STARD9: variants seen among roughly 807,000 people sequenced by gnomAD.
STARD9 encodes StAR related lipid transfer domain containing 9, also known as stAR-related lipid transfer protein 9.
STARD9 carries 346 observed loss-of-function variants against 399.8 expected under a neutral mutation model. That is an observed-to-expected ratio of 0.87 (90% CI 0.79 to 0.95). STARD9 has a LOEUF of 0.95. Among genes scored for constraint, STARD9 ranks in the 40% least tolerant of loss-of-function variants. STARD9 has a pLI of 0.00. For synonymous variants in STARD9, 2,203 were observed against 2,143.5 expected, an observed-to-expected ratio of 1.03 and a Z score of -0.77; for missense variants, 5,832 against 5,667.5, an observed-to-expected ratio of 1.03 and a Z score of -0.93.
intron 3 of STARD9, among the ~76,000 whole-genome samples, chr15:42,619,583 T>C (rs892805440): frequency 6.6e-6 from 1 of 150,794 alleles, no homozygotes; most frequent in Non-Finnish European, 1.5e-5. Context: ...GTAAGGAACA[T>C]GCAGCCTAGA....
Position 42,689,852 on chromosome 15 carries a change from T to C in STARD9, c.8274T>C (p.His2758=), listed in dbSNP as rs2060648609. ...APYDDPRVTL[H]ELSQSVPQET... ...ATGATGATCCTAGAGTGACTCTGCA[T>C]GAGCTAAGTCAGTCAGTTCCGCAGG... Residue 2758 remains histidine, a synonymous_variant, in exon 23 of 33, where the codon CAT becomes CAC. Coordinates refer to ENST00000290607, the MANE Select transcript of STARD9 (RefSeq NM_020759.3). The C allele has an allele frequency of 5.2e-6, 8 of 1,537,252 alleles. No homozygotes were observed. The highest frequency in any genetic ancestry group is 1.7e-4 in the Middle Eastern group (1 of 6,012).
At chr15:42,586,140 G>T (rs1367906740) in intron 3 of STARD9, among the ~76,000 whole-genome samples, 1 of 152,166 alleles carries the variant, frequency 6.6e-6, no homozygotes, top group Non-Finnish European at 1.5e-5. Flanking sequence ...GATTCAGGTG[G>T]GTATAAGTTA....
At chr15:42,651,234 T>C (rs1247352426) in intron 8 of STARD9, 149 bp downstream of exon 8, 5 of 506,344 alleles carry the variant, frequency 9.9e-6, no homozygotes, top group African/African-American at 1.9e-5. Context: ...AGAACAATAG[T>C]GTTCACAGGG....
In STARD9 at chr15:42,694,513, C is replaced by T. The variant is rs781154201; in HGVS notation, c.12765-15C>T. 34 of 1,536,602 alleles carry T rather than the reference C, an allele frequency of 2.2e-5. No individual in the cohort carries two copies. The highest frequency in any genetic ancestry group is 2.3e-5 in the Non-Finnish European group (26 of 1,146,594). ...ACATTCAGGGCCAGCTTCAGCGAAT[C>T]GTGTTTTGCCTCAGGCAAAAAAAGG... On this transcript the variant is annotated splice_polypyrimidine_tract_variant and intron_variant, in intron 23 of 32. Coordinates refer to ENST00000290607, the MANE Select transcript of STARD9 (RefSeq NM_020759.3).
At chr15:42,679,882 C>T (rs2060390172) in intron 20 of STARD9, among the ~76,000 whole-genome samples, 1 of 152,220 alleles carries the variant, frequency 6.6e-6, no homozygotes, top group Non-Finnish European at 1.5e-5. Context: ...TCATTCTGCT[C>T]TACAAAGTGG....
intron 26 of STARD9, among the ~76,000 whole-genome samples, chr15:42,698,688 T>C (rs1476916027): frequency 6.6e-6 from 1 of 152,214 alleles, no homozygotes; most frequent in African/African-American, 2.4e-5. Flanking sequence ...TTATAAATAA[T>C]AACTAGAAAC....
At chr15:42,652,655 T>A in intron 9 of STARD9, 63 bp downstream of exon 9, 1 of 1,368,178 alleles carries the variant, frequency 7.3e-7, no homozygotes, top group South Asian at 1.2e-5. Context: ...ACCACTTTCT[T>A]GTCTTCCTTC....
chr15:42,663,228 A>G (rs1205284695), intron 11 of STARD9, 53 bp from the exon 12 acceptor site: 7 of 1,442,786 alleles, frequency 4.9e-6, no homozygotes, highest in Non-Finnish European at 4.7e-6. Flanking sequence ...TTGTTTTAAT[A>G]TATTTGCTTC....
At chr15:42,674,138 A>T (rs1327600929) in intron 16 of STARD9, among the ~76,000 whole-genome samples, 1 of 152,226 alleles carries the variant, frequency 6.6e-6, no homozygotes, top group African/African-American at 2.4e-5. Flanking sequence ...CCCTAACTTT[A>T]GGCTGTGGGA....
chr15:42,642,417 T>C (rs2059557683), intron 7 of STARD9, among the ~76,000 whole-genome samples: 2 of 152,240 alleles, frequency 1.3e-5, no homozygotes, highest in African/African-American at 4.8e-5. Context: ...CCAGTGGTTA[T>C]AGGATCTAAA....
In STARD9 at chr15:42,693,171, C is replaced by G. The variant is rs1363336423; in HGVS notation, c.11593C>G (p.His3865Asp). ...VVSSPSPSSP[H>D]SPGLFPSTSE... is the part of the protein sequence containing the mutation. Reference sequence around the variant, plus strand: ...CAGCAGTCCCAGTCCCAGCTCCCCTCATTCCCCAGGGCTCTTTCCCAGTAC... The same window carrying G: ...CAGCAGTCCCAGTCCCAGCTCCCCTGATTCCCCAGGGCTCTTTCCCAGTAC... Residue 3865 changes from histidine to aspartate, a missense_variant, in exon 23 of 33, where the codon CAT becomes GAT. By Grantham distance (81) the His-to-Asp change is moderately conservative. Transcript: ENST00000290607. The G allele has an allele frequency of 5.2e-6, 8 of 1,537,192 alleles. No homozygotes were observed. Among genetic ancestry groups the G allele is most frequent in the Non-Finnish European group, 7.0e-6 (8 of 1,146,912 alleles).
intron 3 of STARD9, among the ~76,000 whole-genome samples, chr15:42,604,353 C>T (rs147842892): frequency 2.5e-4 from 38 of 152,256 alleles, no homozygotes; most frequent in African/African-American, 7.9e-4. Flanking sequence ...TATTCTACCT[C>T]GTTCATTCAT....
chr15:42,693,941 G>C lies in STARD9; in HGVS notation c.12363G>C (p.Gln4121His). ...QPEELLCFSC[Q>H]MCMAPEHQHH... ...AGGAGTTACTGTGCTTCAGTTGCCA[G>C]ATGTGCATGGCCCCTGAGCACCAGC... The change falls in exon 23 of 33, where the codon CAG (glutamine) becomes CAC (histidine). Residue 4121 changes from glutamine (Q) to histidine (H), a missense_variant. Gln to His is a conservative substitution (Grantham distance 24). Around this residue, in one of 2 missense-constraint regions of STARD9, gnomAD observed 5,828 missense variants for 5,651.1 expected, o/e 1.03. Coordinates refer to ENST00000290607, the MANE Select transcript of STARD9 (RefSeq NM_020759.3). The C allele has an allele frequency of 6.6e-7, 1 of 1,505,074 alleles. No individual in the cohort carries two copies. Among genetic ancestry groups the C allele is most frequent in the Non-Finnish European group, 8.9e-7 (1 of 1,129,478 alleles). 93.2% of individuals were successfully genotyped at this position (1,505,074 alleles called of 1,614,324 possible). A position where few individuals can be genotyped will look rare whatever the true frequency, so the allele number is the denominator to read the frequency against.
In STARD9 at chr15:42,575,665, C is replaced by G. The variant is rs1416238655; in HGVS notation, c.-51C>G. Reference sequence around the variant, plus strand: ...CTGTGTCTGGGCTTAGGGCGGGGGCCTGGGATGCTGCCGCTGAGCTGACCC... The same window carrying G: ...CTGTGTCTGGGCTTAGGGCGGGGGCGTGGGATGCTGCCGCTGAGCTGACCC... On this transcript the variant is annotated 5_prime_UTR_variant, in exon 1 of 33. Coordinates refer to ENST00000290607, the MANE Select transcript of STARD9 (RefSeq NM_020759.3). 2.6e-6 allele frequency: 4 copies of G among 1,531,062 alleles called. No homozygotes were observed. The African/African-American group carries it at 4.1e-5, about 16-fold the overall frequency. 94.8% of individuals were successfully genotyped at this position (1,531,062 alleles called of 1,614,324 possible).
rs1208223035 is a variant in STARD9, at chr15:42,688,344, C to G, written c.6766C>G (p.Gln2256Glu). The change falls in exon 23 of 33, where the codon CAA becomes GAA. Residue 2256 changes from glutamine to glutamate, a missense_variant. Gln to Glu is a conservative substitution (Grantham distance 29). This residue lies in a region of STARD9 where 5,828 missense variants were observed against 5,651.1 expected (regional missense o/e 1.03). Coordinates refer to ENST00000290607, the MANE Select transcript of STARD9 (RefSeq NM_020759.3). The stretch of plus-strand genomic sequence containing the variant: ...GACTGTGAAAGGTTTTCAGGAAAGC[C>G]AAGTAGCTGAACACGTAAGTAGTTC... ...LETVKGFQES[Q>E]VAEHVSSSNQ... 6.5e-7 allele frequency: 1 copy of G among 1,536,736 alleles called. No individual in the cohort carries two copies. The highest frequency in any genetic ancestry group is 2.4e-5 in the East Asian group (1 of 40,912).
Position 42,688,252 on chromosome 15 carries a change from A to G in STARD9, c.6674A>G (p.Gln2225Arg). The change falls in exon 23 of 33, where the codon CAG becomes CGG. Residue 2225 changes from glutamine to arginine, a missense_variant. Gln to Arg is a conservative substitution (Grantham distance 43). This residue lies in a region of STARD9 where 5,828 missense variants were observed against 5,651.1 expected (regional missense o/e 1.03). Transcript: ENST00000290607. ...RLERSSKNNG[Q>R]FVKASASLKG... ...GAGAGGTCTTCTAAGAATAATGGCCAGTTTGTAAAAGCATCAGCAAGTCTC... is the reference window on the plus strand; with the variant it reads ...GAGAGGTCTTCTAAGAATAATGGCCGGTTTGTAAAAGCATCAGCAAGTCTC... The G allele has an allele frequency of 1.3e-6, 2 of 1,537,586 alleles. No individual in the cohort carries two copies. Among genetic ancestry groups the G allele is most frequent in the South Asian group, 1.2e-5 (1 of 84,054 alleles).
At chr15:42,707,927 A>G (rs1294609998) in intron 26 of STARD9, among the ~76,000 whole-genome samples, 1 of 150,992 alleles carries the variant, frequency 6.6e-6, no homozygotes, top group African/African-American at 2.4e-5. Context: ...TAATCTCAGC[A>G]CTTTGGGAGG....
rs543716188 is a variant in STARD9 at position 42,695,992 on chromosome 15, C to A, written c.13284+112C>A. 2.5e-4 allele frequency: 292 copies of A among 1,156,122 alleles called. 2 individuals carry two copies. The South Asian group carries it at 4.5e-3, about 18-fold the overall frequency. The allele number at this position is 1,156,122 out of a possible 1,614,324, so 71.6% of individuals were successfully genotyped here. On this transcript the variant is annotated intron_variant, in intron 26 of 32. Coordinates refer to ENST00000290607, the MANE Select transcript of STARD9 (RefSeq NM_020759.3). ...GGCAAGACGCCGTGCCTCCTGGAGG[C>A]CACTGCTGACATGAGCCCTTCTTAT...
rs771104094 is a variant in STARD9 at position 42,686,926 on chromosome 15, G to T, written c.5348G>T (p.Gly1783Val). The T allele has an allele frequency of 6.5e-7, 1 of 1,536,704 alleles. No individual in the cohort carries two copies. Among genetic ancestry groups the T allele is most frequent in the East Asian group, 2.4e-5 (1 of 40,910 alleles). The change falls in exon 23 of 33, where the codon GGT becomes GTT. Residue 1783 changes from glycine to valine, a missense_variant. This residue lies in a region of STARD9 where 5,828 missense variants were observed against 5,651.1 expected (regional missense o/e 1.03). Transcript: ENST00000290607. ...CCCCCCAGGGAAGCCTGGGGCTTTG[G>T]TCACAACCACCAAGCTCTCCAAGGT... Reference protein sequence around the residue: ...SPPPREAWGFGHNHQALQGAY... With the variant: ...SPPPREAWGFVHNHQALQGAY...
Sources: gnomAD v4.1 joint callset for allele counts (sites outside exome capture counted in the v4.1 genomes callset) on GRCh38, gnomAD v4.1.1 for gene constraint, gnomAD v4.1.1 regional missense constraint, MANE v1.5 for transcripts, NCBI Gene and HGNC (gene_info 2026-07-23, HGNC 2026-07-21) for gene names.